The following PDE4D variants were observed in gnomAD, a reference collection of about 807,000 sequenced individuals.
The protein encoded by PDE4D is 3',5'-cyclic-AMP phosphodiesterase 4D.
In PDE4D, 24 loss-of-function variants were observed where a neutral mutation model predicts 87.4. The ratio of observed to expected loss-of-function variants is 0.27; its 90% CI spans 0.20 to 0.39. The LOEUF (loss-of-function observed/expected upper bound fraction) is 0.39, where lower values mean the gene tolerates loss of function less well. Among genes scored for constraint, PDE4D ranks in the 10% least tolerant of loss-of-function variants. The pLI is 1.00. For synonymous variants in PDE4D, 384 were observed against 383.2 expected (o/e 1.00, Z -0.02); for missense variants, 714 against 1,041.0 (o/e 0.69, Z 4.32).
At chr5:59,914,132 T>C (rs1054309316) in intron 3 of PDE4D, among the ~76,000 whole-genome samples, 5 of 152,206 alleles carry the variant, frequency 3.3e-5, no homozygotes, top group South Asian at 4.1e-4. Flanking sequence ...ATTTATTTAA[T>C]ACATATGAAT....
chr5:59,668,827 A>AGAAGAAGAAGAG lies in PDE4D; in HGVS notation c.455+224340_455+224341insCTCTTCTTCTTC, dbSNP rs1746576895. Among the ~76,000 whole-genome samples, 82 of 76,934 alleles carry AGAAGAAGAAGAG rather than the reference A, an allele frequency of 1.1e-3. 7 individuals carry two copies. The highest frequency in any genetic ancestry group is 4.2e-3 in the African/African-American group (71 of 17,108). 50.5% of individuals were successfully genotyped at this position (76,934 alleles called of 152,430 possible). On this transcript the variant is annotated intron_variant, in intron 1 of 14. Coordinates refer to ENST00000340635, the MANE Select transcript of PDE4D (RefSeq NM_001104631.2). Reference sequence around the variant, plus strand: ...AGAAAGAAGAAGAAGAAGAAGAAGAAGAAGAGGAAGAGGAAGAGGAAGAAG... The same window carrying AGAAGAAGAAGAG: ...AGAAAGAAGAAGAAGAAGAAGAAGAAGAAGAAGAAGAGGAAGAGGAAGAGGAAGAGGAAGAAG...
At chr5:59,523,058 T>G (rs1812510500) in intron 1 of PDE4D, among the ~76,000 whole-genome samples, 1 of 152,218 alleles carries the variant, frequency 6.6e-6, no homozygotes, top group Admixed American at 6.5e-5. Flanking sequence ...GGTGGTTGGC[T>G]TTTGAAATGA....
rs1190915835 is a variant in PDE4D, at chr5:59,574,221, G to T, written c.455+318947C>A. Among the ~76,000 whole-genome samples the T allele has an allele frequency of 3.0e-5, 4 of 134,402 alleles. No homozygotes were observed. In the East Asian group the frequency reaches 8.6e-4, roughly 29 times the overall value. 88.2% of individuals were successfully genotyped at this position (134,402 alleles called of 152,430 possible). A position where few individuals can be genotyped will look rare whatever the true frequency, so the allele number is the denominator to read the frequency against. On this transcript the variant is annotated intron_variant, in intron 1 of 14. Transcript: ENST00000340635. ...TTCTTCCTTCCCCAAGAGGATTCTG[G>T]TGCCGTTTGTAAAGGTAATATATAT...
intron 1 of PDE4D, among the ~76,000 whole-genome samples, chr5:59,544,425 T>G (rs58685968): frequency 0.017 from 2,648 of 152,284 alleles, 74 homozygotes; most frequent in African/African-American, 0.059. Flanking sequence ...GACATGGATT[T>G]CAGAGGACTC....
intron 1 of PDE4D, among the ~76,000 whole-genome samples, chr5:59,866,738 C>T (rs1407241500): frequency 6.6e-6 from 1 of 152,150 alleles, no homozygotes; most frequent in Non-Finnish European, 1.5e-5. Context: ...AACAGCCATT[C>T]CTTCCTGTAG....
chr5:59,840,236 A>C (rs1349702340), intron 1 of PDE4D, among the ~76,000 whole-genome samples: 25 of 141,568 alleles, frequency 1.8e-4, no homozygotes, highest in African/African-American at 6.2e-4. Flanking sequence ...GTGCACTGCC[A>C]CACACACACA....
chr5:59,769,747 G>A (rs1763254726), intron 1 of PDE4D, among the ~76,000 whole-genome samples: 3 of 151,926 alleles, frequency 2.0e-5, no homozygotes, highest in African/African-American at 7.3e-5. Flanking sequence ...TACAGACCAT[G>A]TGGGATTGAA....
Position 59,893,193 on chromosome 5 carries a change from G to C in PDE4D, c.430C>G (p.Pro144Ala). 3 of 1,566,204 alleles carry C rather than the reference G, an allele frequency of 1.9e-6. No homozygotes were observed. Among genetic ancestry groups the C allele is most frequent in the Non-Finnish European group, 2.6e-6 (3 of 1,155,276 alleles). Residue 144 changes from proline (P) to alanine (A), a missense_variant, in exon 1 of 15, where the codon CCC (proline) becomes GCC (alanine). Transcript: ENST00000340635. ...PGLKKSRMSW[P>A]SSFQGLRRFD... Reference sequence around the variant, plus strand: ...CGCCTGAGTCCCTGGAACGAGGAGGGCCAGGACATCCTGGATTTCTTCAGG... The same window carrying C: ...CGCCTGAGTCCCTGGAACGAGGAGGCCCAGGACATCCTGGATTTCTTCAGG...
At position 59,249,586 on chromosome 5, in the gene PDE4D, T is replaced by TTG. The variant is rs145284012; in HGVS notation, c.456-33619_456-33618insCA. ...GGCAAATACATAAGTTACAAAATCT[T>TTG]TTTAGGGTGAAACATTTTGTATCCA... On this transcript the variant is annotated intron_variant, in intron 1 of 14. Transcript: ENST00000340635. Among the ~76,000 whole-genome samples the TTG allele has an allele frequency of 1.8e-3, 277 of 152,244 alleles. 3 individuals are homozygous for TTG. The highest frequency in any genetic ancestry group is 6.1e-3 in the African/African-American group (252 of 41,566).
At chr5:59,231,589 A>G (rs1351886261) in intron 1 of PDE4D, among the ~76,000 whole-genome samples, 2 of 152,202 alleles carry the variant, frequency 1.3e-5, no homozygotes, top group African/African-American at 2.4e-5. Context: ...ATGAAGAATG[A>G]GTTTATTTTT....
chr5:59,510,463 G>A (rs1352793379), intron 1 of PDE4D, among the ~76,000 whole-genome samples: 1 of 151,406 alleles, frequency 6.6e-6, no homozygotes, highest in East Asian at 1.9e-4. Context: ...CAGAAATAGA[G>A]GAAAAGAGAA....
At chr5:59,884,102 A>G (rs376799508) in intron 1 of PDE4D, among the ~76,000 whole-genome samples, 6 of 151,932 alleles carry the variant, frequency 3.9e-5, no homozygotes, top group African/African-American at 1.2e-4. Flanking sequence ...AAAATCAAAG[A>G]CCTCTCAAAA....
At chr5:60,311,757 A>C (rs1186491085) in intron 1 of PDE4D, among the ~76,000 whole-genome samples, 1 of 152,232 alleles carries the variant, frequency 6.6e-6, no homozygotes, top group African/African-American at 2.4e-5. Context: ...TCCCAATTAA[A>C]AGACACAGAG....
chr5:59,737,350 C>G (rs1398615382), intron 1 of PDE4D, among the ~76,000 whole-genome samples: 1 of 151,974 alleles, frequency 6.6e-6, no homozygotes, highest in Non-Finnish European at 1.5e-5. Flanking sequence ...AATTCCCTAG[C>G]TTTGTTTATA....
chr5:59,935,740 G>A (rs1305246301), intron 3 of PDE4D, among the ~76,000 whole-genome samples: 3 of 152,224 alleles, frequency 2.0e-5, no homozygotes, highest in African/African-American at 7.2e-5. Flanking sequence ...TTAGGAGCTT[G>A]TTAGAAATGC....
chr5:60,047,082 T>C (rs940458386), intron 2 of PDE4D, among the ~76,000 whole-genome samples: 1,585 of 152,342 alleles, frequency 0.01, 14 homozygotes, highest in Non-Finnish European at 0.015. Flanking sequence ...AACTTCTTCC[T>C]GGTTTAGTCT....
chr5:60,306,351 G>T (rs1754502516), intron 1 of PDE4D, among the ~76,000 whole-genome samples: 1 of 151,880 alleles, frequency 6.6e-6, no homozygotes, highest in African/African-American at 2.4e-5. Flanking sequence ...AAAACACATG[G>T]CATTCAGGGT....
rs372771711 is a variant in PDE4D at position 59,766,798 on chromosome 5, CA to C, written c.455+126369del. ...ACTGTTTGTTGCTCACAATTTTTTC[CA>C]AAAAGAAAATCTTCCTCAAAGAGAA... On this transcript the variant is annotated intron_variant, in intron 1 of 14. Coordinates refer to ENST00000340635, the MANE Select transcript of PDE4D (RefSeq NM_001104631.2). 6.3e-3 allele frequency among the ~76,000 whole-genome samples: 954 copies of C among 152,260 alleles called. 11 individuals are homozygous for C. The highest frequency in any genetic ancestry group is 0.021 in the African/African-American group (870 of 41,562).
At chr5:60,041,647 G>A (rs1289581962) in intron 2 of PDE4D, among the ~76,000 whole-genome samples, 1 of 152,146 alleles carries the variant, frequency 6.6e-6, no homozygotes, top group East Asian at 1.9e-4. Flanking sequence ...ACAGACCACG[G>A]CGTGTGAGCT....
Sources: gnomAD v4.1 joint callset for allele counts (sites outside exome capture counted in the v4.1 genomes callset) on GRCh38, gnomAD v4.1.1 for gene constraint, MANE v1.5 for transcripts, NCBI Gene and HGNC (gene_info 2026-07-23, HGNC 2026-07-21) for gene names.